The following GLMN variants were observed in gnomAD, a reference collection of about 807,000 sequenced individuals.
GLMN encodes glomulin, FKBP associated protein, also known as glomulin.
In GLMN, 75 loss-of-function variants were observed where a neutral mutation model predicts 87.8. That is an observed-to-expected ratio of 0.85 (90% CI 0.71 to 1.04). GLMN has a LOEUF of 1.04. Ranked by LOEUF, GLMN falls within the 50% of genes least tolerant of loss-of-function variation. The pLI, the probability that GLMN is intolerant of heterozygous loss-of-function variation, is 0.00. For missense variants in GLMN, 588 were observed against 658.8 expected, an observed-to-expected ratio of 0.89 and a Z score of 1.18; for synonymous variants, 206 against 221.6, an observed-to-expected ratio of 0.93 and a Z score of 0.63.
the GLMN span, among the ~76,000 whole-genome samples, chr1:92,312,766 G>C: frequency 6.6e-6 from 1 of 150,556 alleles, no homozygotes; most frequent in South Asian, 2.1e-4. Flanking sequence ...CCAAGCACTT[G>C]TTAATGTTGA....
At chr1:92,258,397 T>G (rs1654537619) in intron 16 of GLMN, among the ~76,000 whole-genome samples, 1 of 152,208 alleles carries the variant, frequency 6.6e-6, no homozygotes, top group African/African-American at 2.4e-5. Flanking sequence ...GCAATCCCAT[T>G]ACTGGGTATA....
the GLMN span, among the ~76,000 whole-genome samples, chr1:92,346,596 T>C: frequency 1.3e-5 from 2 of 152,232 alleles, no homozygotes; most frequent in African/African-American, 2.4e-5. Context: ...TTTTTACATA[T>C]CTAATATTAT....
intron 8 of GLMN, among the ~76,000 whole-genome samples, chr1:92,270,190 CTA>C (rs1656096755): frequency 6.6e-6 from 1 of 152,224 alleles, no homozygotes; most frequent in Non-Finnish European, 1.5e-5. Context: ...GCATCCAGAA[CTA>C]TGAGACAAAC....
intron 7 of GLMN, among the ~76,000 whole-genome samples, chr1:92,285,895 C>T (rs1648694122): frequency 6.6e-6 from 1 of 151,996 alleles, no homozygotes; most frequent in African/African-American, 2.4e-5. Flanking sequence ...ATGCATAAAG[C>T]CAAATTGCTT....
At chr1:92,306,202 GATC>G in the GLMN span, among the ~76,000 whole-genome samples, 3 of 152,158 alleles carry the variant, frequency 2.0e-5, no homozygotes, top group African/African-American at 7.2e-5. Context: ...AAAGTAGAAT[GATC>G]ATCAAGAGAG....
intron 7 of GLMN, among the ~76,000 whole-genome samples, chr1:92,284,717 A>C (rs1012513235): frequency 1.3e-5 from 2 of 152,178 alleles, no homozygotes; most frequent in African/African-American, 4.8e-5. Context: ...TTTGCAATCT[A>C]CCCATCTCAC....
At chr1:92,250,500 G>A (rs966170839) in intron 16 of GLMN, among the ~76,000 whole-genome samples, 3 of 152,142 alleles carry the variant, frequency 2.0e-5, no homozygotes, top group African/African-American at 7.2e-5. Flanking sequence ...TTACATTGCT[G>A]TATGTTTTCC....
At chr1:92,290,345 T>C (rs1175721024) in intron 4 of GLMN, 39 bp from the exon 5 acceptor site, 6 of 1,192,894 alleles carry the variant, frequency 5.0e-6, no homozygotes, top group Admixed American at 3.4e-5. Flanking sequence ...TTAATACAAG[T>C]TGTATTTAAA....
the GLMN span, among the ~76,000 whole-genome samples, chr1:92,359,925 C>A: frequency 6.6e-6 from 1 of 152,154 alleles, no homozygotes; most frequent in Non-Finnish European, 1.5e-5. Context: ...GGGAAACAGA[C>A]ACTTTGAGCA....
the GLMN span, among the ~76,000 whole-genome samples, chr1:92,345,401 AGAG>A: frequency 1.7e-3 from 198 of 119,172 alleles, no homozygotes; most frequent in African/African-American, 5.0e-3. Flanking sequence ...AAAAAAAAAA[AGAG>A]AGAGAGAGAA....
the GLMN span, among the ~76,000 whole-genome samples, chr1:92,363,439 C>T: frequency 6.6e-6 from 1 of 152,188 alleles, no homozygotes; most frequent in Non-Finnish European, 1.5e-5. Context: ...AAGAAAAGAA[C>T]AGCGTGGCTG....
At chr1:92,284,772 C>T (rs1439433224) in intron 7 of GLMN, among the ~76,000 whole-genome samples, 1 of 150,656 alleles carries the variant, frequency 6.6e-6, no homozygotes, top group African/African-American at 2.4e-5. Flanking sequence ...AACAAATTTA[C>T]AAGAAAAAAA....
intron 7 of GLMN, among the ~76,000 whole-genome samples, chr1:92,276,956 C>T (rs926763050): frequency 6.6e-6 from 1 of 152,122 alleles, no homozygotes; most frequent in Non-Finnish European, 1.5e-5. Context: ...GTTTTAAAGG[C>T]ACAAGACCCC....
rs147889200 is a variant in GLMN, at chr1:92,267,989, T to C, written c.1022A>G (p.Asn341Ser). ...ATTGTCTTCTATTCTCAATAAACTA[T>C]TCTCCAGCAGCTCCTACAGATTAAA... ...VISKGLELLENSLLRIEDNSL... is the reference protein window; with the variant it reads ...VISKGLELLESSLLRIEDNSL... The change falls in exon 11 of 19, where the codon AAT becomes AGT. Residue 341 changes from asparagine to serine, a missense_variant. Physicochemically the swap from Asn to Ser is conservative, Grantham distance 46 (BLOSUM62 1). Transcript: ENST00000370360. The C allele has an allele frequency of 8.5e-5, 133 of 1,565,782 alleles. No homozygotes were observed. Among genetic ancestry groups the C allele is most frequent in the South Asian group, 2.2e-4 (20 of 90,130 alleles).
the GLMN span, among the ~76,000 whole-genome samples, chr1:92,316,675 A>G: frequency 1.3e-5 from 2 of 152,346 alleles, no homozygotes; most frequent in Non-Finnish European, 1.5e-5. Context: ...TATCTTCAGG[A>G]CAACAAAAAT....
intron 4 of GLMN, 138 bp downstream of exon 4, chr1:92,291,280 G>T: frequency 1.3e-6 from 1 of 757,396 alleles, no homozygotes; most frequent in Non-Finnish European, 2.2e-6. Flanking sequence ...CAATAAGACT[G>T]GGTCTTTTCT....
intron 11 of GLMN, among the ~76,000 whole-genome samples, chr1:92,267,302 A>G (rs1363247883): frequency 1.3e-5 from 2 of 152,238 alleles, no homozygotes; most frequent in Non-Finnish European, 2.9e-5. Context: ...CCCTACAGAA[A>G]TAAAGTGTTA....
In GLMN at chr1:92,266,758, G is replaced by A. The variant is rs994742702; in HGVS notation, c.1099-17C>T. 4 of 1,566,820 alleles carry A rather than the reference G, an allele frequency of 2.6e-6. No individual in the cohort carries two copies. Among genetic ancestry groups the A allele is most frequent in the Non-Finnish European group, 3.5e-6 (4 of 1,138,806 alleles). On this transcript the variant is annotated splice_polypyrimidine_tract_variant and intron_variant, in intron 11 of 18. Coordinates refer to ENST00000370360, the MANE Select transcript of GLMN (RefSeq NM_053274.3). Reference sequence around the variant, plus strand: ...CACTAAGCCCTGGAAATAAAAAAATGTAAAATTCAGATGTAAACAGATTAT... The same window carrying A: ...CACTAAGCCCTGGAAATAAAAAAATATAAAATTCAGATGTAAACAGATTAT...
intron 7 of GLMN, among the ~76,000 whole-genome samples, chr1:92,275,843 A>G (rs899429364): frequency 6.6e-6 from 1 of 152,112 alleles, no homozygotes; most frequent in Non-Finnish European, 1.5e-5. Context: ...TCTTGGGCTC[A>G]TTTTAAGTGC....
Sources: allele counts gnomAD v4.1 joint callset (sites outside exome capture counted in the v4.1 genomes callset), GRCh38; gene constraint gnomAD v4.1.1; transcripts MANE v1.5; gene names NCBI Gene and HGNC (gene_info 2026-07-23, HGNC 2026-07-21).